GALNT13: variants seen among roughly 807,000 people sequenced by gnomAD.
GALNT13 encodes the protein polypeptide N-acetylgalactosaminyltransferase 13, also known as UDP-GalNAc:polypeptide N-acetylgalactosaminyltransferase 13.
Under a neutral mutation model 64.2 loss-of-function variants are expected in GALNT13, and 28 were observed. That is an observed-to-expected ratio of 0.44 (90% CI 0.32 to 0.60). The LOEUF (loss-of-function observed/expected upper bound fraction) is 0.60. Among genes scored for constraint, GALNT13 ranks in the 20% least tolerant of loss-of-function variants. GALNT13 has a pLI of 0.05. For synonymous variants in GALNT13, 214 were observed against 224.6 expected (o/e 0.95, Z 0.42); for missense variants, 577 against 669.8 (o/e 0.86, Z 1.53).
chr2:154,051,081 AGTTGT>A, intron 3 of GALNT13, among the ~76,000 whole-genome samples: 1 of 144,444 alleles, frequency 6.9e-6, no homozygotes, highest in Non-Finnish European at 1.6e-5. Flanking sequence ...AGCCAGTGGT[AGTTGT>A]AACTCTCAGT....
At chr2:153,400,604 C>T in the GALNT13 span, among the ~76,000 whole-genome samples, 1 of 152,042 alleles carries the variant, frequency 6.6e-6, no homozygotes, top group Non-Finnish European at 1.5e-5. Flanking sequence ...AATTTCAGCT[C>T]CTGTTATTGG....
intron 8 of GALNT13, among the ~76,000 whole-genome samples, chr2:154,265,590 T>A (rs961475933): frequency 3.3e-5 from 5 of 152,094 alleles, no homozygotes; most frequent in Admixed American, 6.6e-5. Context: ...TCCCAGCTAC[T>A]TGGGAGGCTG....
At chr2:153,846,782 T>A in the GALNT13 span, among the ~76,000 whole-genome samples, 3 of 152,102 alleles carry the variant, frequency 2.0e-5, no homozygotes, top group Non-Finnish European at 4.4e-5. Context: ...GGCAAAAATT[T>A]TTCCTACAGG....
the GALNT13 span, among the ~76,000 whole-genome samples, chr2:153,454,947 TC>T: frequency 6.6e-6 from 1 of 152,252 alleles, no homozygotes; most frequent in Non-Finnish European, 1.5e-5. Flanking sequence ...TATGTAAAGT[TC>T]TGCAGAAGGA....
intron 8 of GALNT13, among the ~76,000 whole-genome samples, chr2:154,269,743 C>G (rs1691218453): frequency 6.6e-6 from 1 of 151,166 alleles, no homozygotes; most frequent in African/African-American, 2.4e-5. Context: ...ACTAGTTTTT[C>G]TGTCATCTCG....
chr2:154,245,696 C>T, intron 6 of GALNT13, 116 bp from the exon 7 acceptor site: 1 of 638,180 alleles, frequency 1.6e-6, no homozygotes, highest in Non-Finnish European at 2.7e-6. Context: ...AAGCTAAAGG[C>T]ATATTAAAGT....
chr2:153,654,290 A>T, the GALNT13 span, among the ~76,000 whole-genome samples: 2 of 152,142 alleles, frequency 1.3e-5, no homozygotes, highest in African/African-American at 4.8e-5. Context: ...ATACTAACCA[A>T]ATGCAATTGT....
chr2:153,098,337 A>G, the GALNT13 span, among the ~76,000 whole-genome samples: 3 of 152,192 alleles, frequency 2.0e-5, no homozygotes, highest in African/African-American at 7.2e-5. Flanking sequence ...TGGATATAAA[A>G]TCCTTGGCTC....
chr2:153,929,580 T>C (rs1358916118), intron 2 of GALNT13, among the ~76,000 whole-genome samples: 2 of 152,178 alleles, frequency 1.3e-5, no homozygotes, highest in Non-Finnish European at 2.9e-5. Context: ...CTTACACTTA[T>C]AAGTGACAAC....
At chr2:153,600,517 T>C in the GALNT13 span, among the ~76,000 whole-genome samples, 1 of 151,972 alleles carries the variant, frequency 6.6e-6, no homozygotes, top group African/African-American at 2.4e-5. Context: ...AGAGAGGGCA[T>C]GATCTACATA....
chr2:153,780,372 G>A, the GALNT13 span, among the ~76,000 whole-genome samples: 1 of 151,572 alleles, frequency 6.6e-6, no homozygotes, highest in Non-Finnish European at 1.5e-5. Context: ...TAGCAAAGTG[G>A]GCTGCTGATC....
intron 3 of GALNT13, 117 bp from the exon 4 acceptor site, chr2:154,140,219 AT>A (rs1683180984): frequency 1.4e-6 from 1 of 689,782 alleles, no homozygotes; most frequent in Non-Finnish European, 2.4e-6. Flanking sequence ...TGATCATTAT[AT>A]TATAAAACCT....
the GALNT13 span, among the ~76,000 whole-genome samples, chr2:153,075,402 T>C: frequency 6.6e-6 from 1 of 152,204 alleles, no homozygotes. Flanking sequence ...CCTCATCTAA[T>C]TTACATTTGT....
the GALNT13 span, among the ~76,000 whole-genome samples, chr2:153,838,540 G>A: frequency 6.6e-6 from 1 of 151,764 alleles, no homozygotes; most frequent in South Asian, 2.1e-4. Flanking sequence ...GTGTATTTTT[G>A]ATGCCTTCAT....
the GALNT13 span, among the ~76,000 whole-genome samples, chr2:153,493,498 G>T: frequency 1.3e-5 from 2 of 151,652 alleles, no homozygotes; most frequent in Non-Finnish European, 2.9e-5. Context: ...AAATCAAAAA[G>T]CCTTCTTACT....
the GALNT13 span, among the ~76,000 whole-genome samples, chr2:153,289,930 G>C: frequency 6.6e-6 from 1 of 152,272 alleles, no homozygotes; most frequent in South Asian, 2.1e-4. Context: ...TGAAAATGGA[G>C]TAGGGTAGAC....
At chr2:154,180,438 T>A (rs1196842938) in intron 4 of GALNT13, among the ~76,000 whole-genome samples, 2 of 152,034 alleles carry the variant, frequency 1.3e-5, no homozygotes, top group Admixed American at 6.6e-5. Flanking sequence ...TAAAAAAAAA[T>A]ACAAATATTG....
intron 3 of GALNT13, among the ~76,000 whole-genome samples, chr2:154,054,409 G>T (rs1241008284): frequency 6.6e-6 from 1 of 151,948 alleles, no homozygotes; most frequent in East Asian, 1.9e-4. Flanking sequence ...GAGGAAGAAA[G>T]ATAAAAGTGA....
chr2:154,326,253 CA>C (rs2105177829), intron 9 of GALNT13, among the ~76,000 whole-genome samples: 1 of 149,770 alleles, frequency 6.7e-6, no homozygotes, highest in East Asian at 2.0e-4. Context: ...CAGGTTTTTC[CA>C]ACATTGAATC....
Sources: allele counts gnomAD v4.1 joint callset (sites outside exome capture counted in the v4.1 genomes callset), GRCh38; gene constraint gnomAD v4.1.1; transcripts MANE v1.5; gene names NCBI Gene and HGNC (gene_info 2026-07-23, HGNC 2026-07-21).